Variants in PIGF observed in about 807,000 individuals in gnomAD.
The protein encoded by PIGF is phosphatidylinositol glycan anchor biosynthesis class F.
A neutral mutation model predicts 26.0 loss-of-function variants in PIGF; 23 were observed. The observed-to-expected ratio is 0.88, with a 90% CI of 0.64 to 1.25. The LOEUF is 1.25. PIGF is among the 50% of genes most tolerant of loss of function. The probability of loss-of-function intolerance (pLI) is 0.00; values close to 1 mark genes in which losing one functional copy is unlikely to be tolerated. For missense variants in PIGF, 278 were observed against 249.9 expected, an observed-to-expected ratio of 1.11 and a Z score of -0.76; for synonymous variants, 93 against 92.6, an observed-to-expected ratio of 1.00 and a Z score of -0.03.
At chr2:46,594,953 G>A (rs559707910) in intron 4 of PIGF, among the ~76,000 whole-genome samples, 23 of 151,014 alleles carry the variant, frequency 1.5e-4, no homozygotes, top group Middle Eastern at 3.5e-3. Flanking sequence ...CGGATTCAAG[G>A]GATTCTCCTG....
chr2:46,608,633 C>A (rs1009277742), intron 4 of PIGF, among the ~76,000 whole-genome samples: 1 of 152,124 alleles, frequency 6.6e-6, no homozygotes, highest in African/African-American at 2.4e-5. Flanking sequence ...ACTTGAAAAT[C>A]AAAATTACTC....
chr2:46,595,827 T>C (rs998322550), intron 4 of PIGF, among the ~76,000 whole-genome samples: 2 of 152,168 alleles, frequency 1.3e-5, no homozygotes, highest in African/African-American at 4.8e-5. Context: ...TGGTGATAGA[T>C]TTAGGGTTAG....
Position 46,592,478 on chromosome 2 carries a change from C to G in PIGF, c.543G>C (p.Trp181Cys). 6.4e-7 allele frequency: 1 copy of G among 1,557,814 alleles called. No individual in the cohort carries two copies. Among genetic ancestry groups the G allele is most frequent in the Non-Finnish European group, 8.9e-7 (1 of 1,128,528 alleles). The change falls in exon 5 of 6, where the codon TGG becomes TGC. Residue 181 changes from tryptophan (W) to cysteine (C), a missense_variant. Trp to Cys is a radical substitution (Grantham distance 215). Transcript: ENST00000281382. ...GCTTTAAGTAACTGAAACCAACCTG[C>G]CATGGTCTTTCCCAATCCAGTGGAA... ...LPIPLDWERP[W>C]QVWPISCTLG...
chr2:46,590,988 G>A (rs982578558), intron 5 of PIGF, among the ~76,000 whole-genome samples: 1 of 152,168 alleles, frequency 6.6e-6, no homozygotes, highest in Non-Finnish European at 1.5e-5. Flanking sequence ...ACACAATCTG[G>A]ATCCCACATT....
chr2:46,613,558 G>C, intron 3 of PIGF, 136 bp downstream of exon 3: 1 of 601,838 alleles, frequency 1.7e-6, no homozygotes, highest in Non-Finnish European at 2.9e-6. Flanking sequence ...GAATAACACT[G>C]CTAATGATGT....
chr2:46,614,841 T>C (rs2104150329), intron 2 of PIGF, 96 bp downstream of exon 2: 2 of 647,012 alleles, frequency 3.1e-6, no homozygotes, highest in East Asian at 2.8e-5. Flanking sequence ...TTGCTCACTA[T>C]AAATAAGCTA....
At chr2:46,599,203 C>A (rs1342576734) in intron 4 of PIGF, among the ~76,000 whole-genome samples, 1 of 152,146 alleles carries the variant, frequency 6.6e-6, no homozygotes, top group Non-Finnish European at 1.5e-5. Flanking sequence ...ATGAAGGGTA[C>A]AATTATATTT....
chr2:46,592,531 C>T lies in PIGF; in HGVS notation c.490G>A (p.Val164Ile). The T allele has an allele frequency of 1.2e-6, 2 of 1,611,190 alleles. No homozygotes were observed. The highest frequency in any genetic ancestry group is 1.3e-5 in the African/African-American group (1 of 75,000). Reference protein sequence around the residue: ...SLQITTISSFVGAWLGALPIP... With the variant: ...SLQITTISSFIGAWLGALPIP... Reference sequence around the variant, plus strand: ...GGAAGTGCTCCAAGCCATGCTCCTACAAAGCTAGAAATTGTAGTGATCTGG... The same window carrying T: ...GGAAGTGCTCCAAGCCATGCTCCTATAAAGCTAGAAATTGTAGTGATCTGG... Residue 164 changes from valine (V) to isoleucine (I), a missense_variant, in exon 5 of 6, where the codon GTA (valine) becomes ATA (isoleucine). Transcript: ENST00000281382.
chr2:46,598,097 T>G (rs1669943703), intron 4 of PIGF, among the ~76,000 whole-genome samples: 2 of 152,190 alleles, frequency 1.3e-5, no homozygotes, highest in Non-Finnish European at 2.9e-5. Flanking sequence ...ACCTTTTTGT[T>G]TGACTAGGGA....
In PIGF at chr2:46,588,292, T is replaced by C; in HGVS notation, c.546+4183A>G. 1 of 1,323,294 alleles carries C rather than the reference T, an allele frequency of 7.6e-7. No homozygotes were observed. Among genetic ancestry groups the C allele is most frequent in the Non-Finnish European group, 1.0e-6 (1 of 989,760 alleles). 82.0% of individuals were successfully genotyped at this position (1,323,294 alleles called of 1,614,324 possible). ...CAGTCCACTCTACCAACTGAAAGAC[T>C]GCTGGGCAGAAAAAATAAAACAACA... is the stretch of plus-strand genomic sequence containing the variant. On this transcript the variant is annotated intron_variant, in intron 5 of 5. Transcript: ENST00000281382. This position sits in a 1 kb window ranked among gnomAD's most constrained non-coding sequence, Gnocchi z 4.1.
intron 4 of PIGF, among the ~76,000 whole-genome samples, chr2:46,598,433 G>C (rs1669954822): frequency 6.6e-6 from 1 of 151,724 alleles, no homozygotes; most frequent in Admixed American, 6.6e-5. Context: ...ATTAGTGTAA[G>C]CTTCTCTAAC....
chr2:46,594,663 G>A (rs1669826265), intron 4 of PIGF, among the ~76,000 whole-genome samples: 2 of 151,674 alleles, frequency 1.3e-5, no homozygotes, highest in South Asian at 4.2e-4. Flanking sequence ...AGACTCCTGA[G>A]TAGCTGGGAT....
At position 46,615,049 on chromosome 2, in the gene PIGF, G is replaced by T; in HGVS notation, c.116C>A (p.Thr39Lys). The T allele has an allele frequency of 2.5e-6, 4 of 1,600,586 alleles. No homozygotes were observed. The change falls in exon 2 of 6, where the codon ACA becomes AAA. Residue 39 changes from threonine (T) to lysine (K), a missense_variant. Physicochemically the swap from Thr to Lys is moderately conservative, Grantham distance 78 (BLOSUM62 -1). Transcript: ENST00000281382. ...ACAGATGCACAACCATGTCAAGTGT[G>T]TTTCCAATATTGAGAAGTTCTCCAA... ...LFLENFSILE[T>K]HLTWLCICSG...
At chr2:46,594,849 T>G (rs376253626) in intron 4 of PIGF, among the ~76,000 whole-genome samples, 2,416 of 143,542 alleles carry the variant, frequency 0.017, 75 homozygotes, top group African/African-American at 0.064. Flanking sequence ...CGTTTTTTTT[T>G]TTGTTTGTTT....
In PIGF at chr2:46,615,128, G is replaced by C; in HGVS notation, c.37C>G (p.His13Asp). ...DNDIKRLLYTHLLCIFSIILS... is the reference protein window; with the variant it reads ...DNDIKRLLYTDLLCIFSIILS... ...ATAATTGAAAATATGCATAAAAGAT[G>C]GGTATACAGTAGTCTCTTGATATCG... The change falls in exon 2 of 6, where the codon CAT becomes GAT. Residue 13 changes from histidine (H) to aspartate (D), a missense_variant. By Grantham distance (81) the His-to-Asp change is moderately conservative. Coordinates refer to ENST00000281382, the MANE Select transcript of PIGF (RefSeq NM_002643.4). 1 of 1,564,158 alleles carries C rather than the reference G, an allele frequency of 6.4e-7. No homozygotes were observed. Among genetic ancestry groups the C allele is most frequent in the Non-Finnish European group, 8.8e-7 (1 of 1,134,608 alleles).
In PIGF at chr2:46,581,280, C is replaced by A. The variant is rs1572761957; in HGVS notation, c.*198G>T. 2.0e-6 allele frequency: 2 copies of A among 976,406 alleles called. No homozygotes were observed. The highest frequency in any genetic ancestry group is 1.8e-5 in the South Asian group (1 of 54,108). The allele number at this position is 976,406 out of a possible 1,614,324, so 60.5% of individuals were successfully genotyped here. A position where few individuals can be genotyped will look rare whatever the true frequency, so the allele number is the denominator to read the frequency against. ...AGAAGCAGTAAGCAGCATCTGAAGC[C>A]ACAATCTATTATAAATACTTTATTT... On this transcript the variant is annotated 3_prime_UTR_variant, in exon 6 of 6. Coordinates refer to ENST00000281382, the MANE Select transcript of PIGF (RefSeq NM_002643.4).
intron 5 of PIGF, among the ~76,000 whole-genome samples, chr2:46,587,820 T>A (rs992497624): frequency 2.6e-5 from 4 of 152,182 alleles, no homozygotes; most frequent in African/African-American, 9.7e-5. Context: ...TCAAGGCATG[T>A]AATGAAAACA....
intron 4 of PIGF, among the ~76,000 whole-genome samples, chr2:46,598,696 G>A (rs1669966042): frequency 6.6e-6 from 1 of 151,946 alleles, no homozygotes; most frequent in Non-Finnish European, 1.5e-5. Context: ...TGGGAATAGG[G>A]TATGACTGCT....
At chr2:46,592,852 C>G (rs2104080791) in intron 4 of PIGF, among the ~76,000 whole-genome samples, 1 of 152,290 alleles carries the variant, frequency 6.6e-6, no homozygotes, top group East Asian at 1.9e-4. Context: ...GTCTTCCACC[C>G]CTATCATCAA....
Sources: gnomAD v4.1 joint callset for allele counts (sites outside exome capture counted in the v4.1 genomes callset) on GRCh38, gnomAD v4.1.1 for gene constraint, Gnocchi (gnomAD v3.1) non-coding constraint, MANE v1.5 for transcripts, NCBI Gene and HGNC (gene_info 2026-07-23, HGNC 2026-07-21) for gene names.